The following ARL8A variants were observed in gnomAD, a reference collection of about 807,000 sequenced individuals.
ARL8A encodes the protein ADP-ribosylation factor-like protein 8A.
In ARL8A, 10 loss-of-function variants were observed where a neutral mutation model predicts 31.2. The observed-to-expected ratio is 0.32, with a 90% CI of 0.20 to 0.54. ARL8A has a LOEUF of 0.54. Among genes scored for constraint, ARL8A ranks in the 20% least tolerant of loss-of-function variants. ARL8A has a pLI of 0.93. For missense variants in ARL8A, 129 were observed against 242.8 expected (o/e 0.53, Z 3.12); for synonymous variants, 70 against 86.9 (o/e 0.81, Z 1.08).
Position 202,135,630 on chromosome 1 carries a change from C to A in ARL8A, c.372+77G>T. ...TCCCGTTTCCTCTCTGCGCCCCTAC[C>A]ATGCCTGGCTTTTACCTGCTCCCAG... On this transcript the variant is annotated intron_variant, in intron 4 of 6. Coordinates refer to ENST00000272217, the MANE Select transcript of ARL8A (RefSeq NM_138795.4). This position sits in a 1 kb window ranked among gnomAD's most constrained non-coding sequence, Gnocchi z 5.3. 1 of 1,578,096 alleles carries A rather than the reference C, an allele frequency of 6.3e-7. No individual in the cohort carries two copies. The highest frequency in any genetic ancestry group is 1.1e-5 in the South Asian group (1 of 90,270).
At chr1:202,142,384 G>A (rs1022642861) in intron 1 of ARL8A, among the ~76,000 whole-genome samples, 1 of 152,256 alleles carries the variant, frequency 6.6e-6, no homozygotes, top group Non-Finnish European at 1.5e-5. Context: ...ACAGAGCCCA[G>A]GGGTCCCAAC....
At position 202,134,138 on chromosome 1, in the gene ARL8A, T is replaced by G; in HGVS notation, c.*329A>C. 2.8e-6 allele frequency: 1 copy of G among 356,426 alleles called. No individual in the cohort carries two copies. Among genetic ancestry groups the G allele is most frequent in the Non-Finnish European group, 5.3e-6 (1 of 189,498 alleles). 22.1% of individuals were successfully genotyped at this position (356,426 alleles called of 1,614,324 possible). On this transcript the variant is annotated 3_prime_UTR_variant, in exon 7 of 7. Coordinates refer to ENST00000272217, the MANE Select transcript of ARL8A (RefSeq NM_138795.4). This position sits in a 1 kb window ranked among gnomAD's most constrained non-coding sequence, Gnocchi z 4.2. Reference sequence around the variant, plus strand: ...GTACACACAGGACAATAACAGAGAGTGTTGAAAAGGGAGGTACAAGAGCGG... The same window carrying G: ...GTACACACAGGACAATAACAGAGAGGGTTGAAAAGGGAGGTACAAGAGCGG...
intron 1 of ARL8A, among the ~76,000 whole-genome samples, chr1:202,143,830 C>T (rs916525295): frequency 6.6e-6 from 1 of 152,236 alleles, no homozygotes; most frequent in African/African-American, 2.4e-5. Flanking sequence ...CTCCCTGGAC[C>T]CCCGGCTAGA....
Position 202,135,476 on chromosome 1 carries a change from C to T in ARL8A, c.423G>A (p.Lys141=). The T allele has an allele frequency of 1.2e-6, 2 of 1,614,152 alleles. No homozygotes were observed. Among genetic ancestry groups the T allele is most frequent in the Non-Finnish European group, 1.7e-6 (2 of 1,180,018 alleles). The change falls in exon 5 of 7, where the codon AAG becomes AAA. Residue 141 remains lysine, a synonymous_variant. Coordinates refer to ENST00000272217, the MANE Select transcript of ARL8A (RefSeq NM_138795.4). This position sits in a 1 kb window ranked among gnomAD's most constrained non-coding sequence, Gnocchi z 5.3. ...KRDLPGALDE[K]ELIEKMNLSA... Reference sequence around the variant, plus strand: ...CAACTCACATTTTCTCAATCAGCTCCTTCTCATCCAATGCTCCCGGAAGGT... The same window carrying T: ...CAACTCACATTTTCTCAATCAGCTCTTTCTCATCCAATGCTCCCGGAAGGT...
rs758687320 is a variant in ARL8A, at chr1:202,138,399, C to T, written c.173G>A (p.Arg58His). The T allele has an allele frequency of 6.2e-7, 1 of 1,614,054 alleles. No individual in the cohort carries two copies. Among genetic ancestry groups the T allele is most frequent in the Admixed American group, 1.7e-5 (1 of 60,008 alleles). ...AGTCACATTCCCTTTGGTGATTTTG[C>T]GCATGTTGAAACCCACGGTGGGGAT... is the stretch of plus-strand genomic sequence containing the variant. ...DMIPTVGFNM[R>H]KITKGNVTIK... Residue 58 changes from arginine (R) to histidine (H), a missense_variant, in exon 2 of 7, where the codon CGC becomes CAC. Physicochemically the swap from Arg to His is conservative, Grantham distance 29 (BLOSUM62 0). Transcript: ENST00000272217. This position sits in a 1 kb window ranked among gnomAD's most constrained non-coding sequence, Gnocchi z 4.4.
rs1161571552 is a variant in ARL8A at position 202,134,004 on chromosome 1, C to T, written c.*463G>A. 1.3e-5 allele frequency: 2 copies of T among 152,400 alleles called. No homozygotes were observed. Among genetic ancestry groups the T allele is most frequent in the African/African-American group, 4.8e-5 (2 of 41,452 alleles). 9.4% of individuals were successfully genotyped at this position (152,400 alleles called of 1,614,324 possible). A position where few individuals can be genotyped will look rare whatever the true frequency, so the allele number is the denominator to read the frequency against. The stretch of plus-strand genomic sequence containing the variant: ...CAAGTCCACCTGCGTCTCCCTCCTT[C>T]TCTCCAGACTGCCCCCTCCCAGATC... On this transcript the variant is annotated 3_prime_UTR_variant, in exon 7 of 7. Transcript: ENST00000272217. The surrounding 1 kb of genome is among the most constrained non-coding windows in gnomAD (Gnocchi z 4.2).
In ARL8A at chr1:202,138,623, G is replaced by A. The variant is rs1655083629; in HGVS notation, c.124-175C>T. Among the ~76,000 whole-genome samples, 1 of 152,110 alleles carries A rather than the reference G, an allele frequency of 6.6e-6. No homozygotes were observed. Among genetic ancestry groups the A allele is most frequent in the Admixed American group, 6.5e-5 (1 of 15,272 alleles). Reference sequence around the variant, plus strand: ...AGGATGGGCTATCACCAACCTATGTGTCCCGCCTACACCTGGGGATGCCCT... The same window carrying A: ...AGGATGGGCTATCACCAACCTATGTATCCCGCCTACACCTGGGGATGCCCT... On this transcript the variant is annotated intron_variant, in intron 1 of 6. Transcript: ENST00000272217. This position sits in a 1 kb window ranked among gnomAD's most constrained non-coding sequence, Gnocchi z 4.4.
rs753119863 is a variant in ARL8A at position 202,138,483 on chromosome 1, A to C, written c.124-35T>G. Reference sequence around the variant, plus strand: ...AGACTCAGAATGGGAAACAGTGCAAAAATCGATATGCCCCCACCGCAGACC... The same window carrying C: ...AGACTCAGAATGGGAAACAGTGCAACAATCGATATGCCCCCACCGCAGACC... On this transcript the variant is annotated intron_variant, in intron 1 of 6. Coordinates refer to ENST00000272217, the MANE Select transcript of ARL8A (RefSeq NM_138795.4). This position sits in a 1 kb window ranked among gnomAD's most constrained non-coding sequence, Gnocchi z 4.4. 4 of 1,592,460 alleles carry C rather than the reference A, an allele frequency of 2.5e-6. No homozygotes were observed. The highest frequency in any genetic ancestry group is 1.7e-6 in the Non-Finnish European group (2 of 1,160,308).
At position 202,134,540 on chromosome 1, in the gene ARL8A, T is replaced by G; in HGVS notation, c.512-24A>C. ...GTCTGATAGGAGAAAAGAGAACAGC[T>G]TATAAGGCCTGCAAGTACTGGCCGT... On this transcript the variant is annotated intron_variant, in intron 6 of 6. Transcript: ENST00000272217. This position sits in a 1 kb window ranked among gnomAD's most constrained non-coding sequence, Gnocchi z 4.2. 6.2e-7 allele frequency: 1 copy of G among 1,604,800 alleles called. No homozygotes were observed. Among genetic ancestry groups the G allele is most frequent in the Admixed American group, 1.7e-5 (1 of 59,998 alleles).
intron 1 of ARL8A, among the ~76,000 whole-genome samples, chr1:202,142,913 G>A (rs755964667): frequency 6.6e-6 from 1 of 152,110 alleles, no homozygotes; most frequent in Non-Finnish European, 1.5e-5. Flanking sequence ...AGACCTAAAC[G>A]CCTAGAACCC....
At chr1:202,143,607 TGAGA>T (rs1655221624) in intron 1 of ARL8A, among the ~76,000 whole-genome samples, 1 of 152,176 alleles carries the variant, frequency 6.6e-6, no homozygotes, top group Non-Finnish European at 1.5e-5. Context: ...TCCCCTTTTT[TGAGA>T]GAGATTTTAA....
At chr1:202,137,284 A>G (rs1393304623) in intron 3 of ARL8A, among the ~76,000 whole-genome samples, 2 of 152,116 alleles carry the variant, frequency 1.3e-5, no homozygotes, top group African/African-American at 4.8e-5. Flanking sequence ...CAGCCTCCCA[A>G]GTAGCTGGGA....
chr1:202,138,352 G>T lies in ARL8A; in HGVS notation c.204+16C>A. The T allele has an allele frequency of 6.2e-7, 1 of 1,608,440 alleles. No individual in the cohort carries two copies. On this transcript the variant is annotated intron_variant, in intron 2 of 6. Transcript: ENST00000272217. This position sits in a 1 kb window ranked among gnomAD's most constrained non-coding sequence, Gnocchi z 4.4. ...AAAAACAGTCCTCTGCACCCCCCAA[G>T]CTTCTGGGCCCTCACCTTGATAGTC...
chr1:202,135,315 A>G lies in ARL8A; in HGVS notation c.441-95T>C, dbSNP rs147134888. ...GGGCCTTTTTCTTACCTAAGAGGCTACAAAGGGGAGGGTGAGGTGCCTGAA... is the reference window on the plus strand; with the variant it reads ...GGGCCTTTTTCTTACCTAAGAGGCTGCAAAGGGGAGGGTGAGGTGCCTGAA... On this transcript the variant is annotated intron_variant, in intron 5 of 6. Transcript: ENST00000272217. The surrounding 1 kb of genome is among the most constrained non-coding windows in gnomAD (Gnocchi z 5.3). 485 of 1,465,076 alleles carry G rather than the reference A, an allele frequency of 3.3e-4. 2 individuals carry two copies. In the East Asian group the frequency reaches 9.6e-3, roughly 29 times the overall value. 90.8% of individuals were successfully genotyped at this position (1,465,076 alleles called of 1,614,324 possible). A position where few individuals can be genotyped will look rare whatever the true frequency, so the allele number is the denominator to read the frequency against.
At chr1:202,139,792 C>A (rs1329230866) in intron 1 of ARL8A, among the ~76,000 whole-genome samples, 3 of 151,234 alleles carry the variant, frequency 2.0e-5, no homozygotes, top group Non-Finnish European at 1.5e-5. Flanking sequence ...AGACCACAGG[C>A]ATGTGCCACC....
In ARL8A at chr1:202,144,159, C is replaced by G. The variant is rs1655239372; in HGVS notation, c.123+291G>C. ...CGGGTCCCTCCTGCTTCGAGAGCCC[C>G]TCGGTGCCGCCTGCCCCGTGGCACC... On this transcript the variant is annotated intron_variant, in intron 1 of 6. Transcript: ENST00000272217. This position sits in a 1 kb window ranked among gnomAD's most constrained non-coding sequence, Gnocchi z 5.2. Among the ~76,000 whole-genome samples, 1 of 152,162 alleles carries G rather than the reference C, an allele frequency of 6.6e-6. No homozygotes were observed. Among genetic ancestry groups the G allele is most frequent in the Non-Finnish European group, 1.5e-5 (1 of 67,988 alleles).
In ARL8A at chr1:202,135,146, G is replaced by A. The variant is rs1167290440; in HGVS notation, c.511+4C>T. 3.1e-6 allele frequency: 5 copies of A among 1,612,574 alleles called. No individual in the cohort carries two copies. Among genetic ancestry groups the A allele is most frequent in the Non-Finnish European group, 4.2e-6 (5 of 1,178,832 alleles). ...CTCTCCTCCCTTTCCCCCATCCTAC[G>A]CACCAATGTTGTCCTTTTCTTTGCA... On this transcript the variant is annotated splice_donor_region_variant and intron_variant, in intron 6 of 6. Coordinates refer to ENST00000272217, the MANE Select transcript of ARL8A (RefSeq NM_138795.4). The surrounding 1 kb of genome is among the most constrained non-coding windows in gnomAD (Gnocchi z 5.3).
In ARL8A at chr1:202,134,204, G is replaced by A; in HGVS notation, c.*263C>T. On this transcript the variant is annotated 3_prime_UTR_variant, in exon 7 of 7. Transcript: ENST00000272217. The surrounding 1 kb of genome is among the most constrained non-coding windows in gnomAD (Gnocchi z 4.2). ...GGGGCGGGGGCTGTGGCCCAGGGCT[G>A]CTGGGAGGGAGGCAGGGCTGGGTGA... is the stretch of plus-strand genomic sequence containing the variant. The A allele has an allele frequency of 1.9e-6, 1 of 518,306 alleles. No individual in the cohort carries two copies. The highest frequency in any genetic ancestry group is 3.5e-6 in the Non-Finnish European group (1 of 285,750). 32.1% of individuals were successfully genotyped at this position (518,306 alleles called of 1,614,324 possible).
chr1:202,137,628 CAAA>C (rs58646979), intron 3 of ARL8A, among the ~76,000 whole-genome samples: 1 of 137,544 alleles, frequency 7.3e-6, no homozygotes. Flanking sequence ...AACTCCGTCT[CAAA>C]AAAAAAAAAA....
Sources: gnomAD v4.1 joint callset for allele counts (sites outside exome capture counted in the v4.1 genomes callset) on GRCh38, gnomAD v4.1.1 for gene constraint, Gnocchi (gnomAD v3.1) non-coding constraint, MANE v1.5 for transcripts, NCBI Gene and HGNC (gene_info 2026-07-23, HGNC 2026-07-21) for gene names.